GARRE1: variants seen among roughly 807,000 people sequenced by gnomAD.
GARRE1 encodes granule associated Rac and RHOG effector 1, also known as granule associated Rac and RHOG effector protein 1.
GARRE1 carries 49 observed loss-of-function variants against 103.2 expected under a neutral mutation model. The ratio of observed to expected loss-of-function variants is 0.47; its 90% CI spans 0.38 to 0.60. The LOEUF is 0.60. Ranked by LOEUF, GARRE1 falls within the 20% of genes least tolerant of loss-of-function variation. The pLI, the probability that GARRE1 is intolerant of heterozygous loss-of-function variation, is 0.00. For synonymous variants in GARRE1, 505 were observed against 532.8 expected, an observed-to-expected ratio of 0.95 and a Z score of 0.72; for missense variants, 1,199 against 1,370.5, an observed-to-expected ratio of 0.87 and a Z score of 1.98.
At chr19:34,272,720 A>G (rs1490494312) in intron 1 of GARRE1, among the ~76,000 whole-genome samples, 1 of 152,180 alleles carries the variant, frequency 6.6e-6, no homozygotes, top group African/African-American at 2.4e-5. Flanking sequence ...GCAGAGTGCC[A>G]TGGTCTGGAT....
chr19:34,257,727 T>C (rs1349928764), intron 1 of GARRE1, among the ~76,000 whole-genome samples: 1 of 152,164 alleles, frequency 6.6e-6, no homozygotes, highest in Non-Finnish European at 1.5e-5. Context: ...TGTCTTTAAC[T>C]CTACTGAAAC....
chr19:34,280,971 T>C (rs1332934926), intron 1 of GARRE1, among the ~76,000 whole-genome samples: 8 of 152,100 alleles, frequency 5.3e-5, no homozygotes, highest in Admixed American at 5.2e-4. Context: ...AATACATACT[T>C]TTTGGAAAGA....
At chr19:34,259,430 A>C (rs1018645066) in intron 1 of GARRE1, among the ~76,000 whole-genome samples, 2 of 152,212 alleles carry the variant, frequency 1.3e-5, no homozygotes, top group African/African-American at 4.8e-5. Context: ...GCTCACATTT[A>C]TGGAGTACCT....
intron 1 of GARRE1, among the ~76,000 whole-genome samples, chr19:34,293,899 T>C (rs958666593): frequency 6.6e-6 from 1 of 151,058 alleles, no homozygotes; most frequent in African/African-American, 2.4e-5. Context: ...GCTGGGATTA[T>C]AGGCACGCGT....
At chr19:34,327,639 A>G in intron 4 of GARRE1, 78 bp downstream of exon 4, 1 of 1,540,150 alleles carries the variant, frequency 6.5e-7, no homozygotes, top group South Asian at 1.1e-5. Context: ...ATGTTGAATC[A>G]ATTAGAAAGG....
intron 10 of GARRE1, among the ~76,000 whole-genome samples, chr19:34,344,418 G>A (rs1488886396): frequency 1.3e-5 from 2 of 151,798 alleles, no homozygotes; most frequent in East Asian, 3.9e-4. Flanking sequence ...GTGAAACCCC[G>A]TCTCTACTAA....
chr19:34,260,388 C>T (rs1317676709), intron 1 of GARRE1, among the ~76,000 whole-genome samples: 5 of 152,088 alleles, frequency 3.3e-5, no homozygotes, highest in Non-Finnish European at 7.4e-5. Context: ...TGCTTCATTG[C>T]GATATTCACT....
chr19:34,330,993 G>A (rs908284548), intron 7 of GARRE1, among the ~76,000 whole-genome samples: 4 of 150,892 alleles, frequency 2.7e-5, no homozygotes, highest in Admixed American at 1.3e-4. Context: ...TCTGCCTCCC[G>A]GGTTCAAATG....
At chr19:34,312,207 C>T (rs1207665567) in intron 2 of GARRE1, among the ~76,000 whole-genome samples, 1 of 152,054 alleles carries the variant, frequency 6.6e-6, no homozygotes, top group Non-Finnish European at 1.5e-5. Flanking sequence ...GCTATTAGAG[C>T]AGTCTAAATG....
At chr19:34,320,742 G>T (rs1367990450) in intron 3 of GARRE1, among the ~76,000 whole-genome samples, 1 of 147,612 alleles carries the variant, frequency 6.8e-6, no homozygotes, top group East Asian at 1.9e-4. Flanking sequence ...TTTTTTTTGA[G>T]ACAGGGTCTT....
chr19:34,317,649 G>A (rs1459872612), intron 2 of GARRE1, among the ~76,000 whole-genome samples: 3 of 152,164 alleles, frequency 2.0e-5, no homozygotes, highest in Non-Finnish European at 4.4e-5. Flanking sequence ...ACAGGTGAAG[G>A]GCATGGACAC....
At chr19:34,327,069 C>T (rs1018750635) in intron 3 of GARRE1, among the ~76,000 whole-genome samples, 3 of 151,792 alleles carry the variant, frequency 2.0e-5, no homozygotes, top group African/African-American at 4.8e-5. Flanking sequence ...GCAGGAGAAT[C>T]GCTTGAACTC....
At chr19:34,255,869 T>C (rs908095958) in intron 1 of GARRE1, among the ~76,000 whole-genome samples, 1 of 151,884 alleles carries the variant, frequency 6.6e-6, no homozygotes, top group Middle Eastern at 3.2e-3. Context: ...TTTGAGACAG[T>C]CTCCCTCTGT....
In GARRE1 at chr19:34,341,591, A is replaced by G; in HGVS notation, c.1657A>G (p.Ser553Gly). 1 of 1,614,216 alleles carries G rather than the reference A, an allele frequency of 6.2e-7. No homozygotes were observed. Among genetic ancestry groups the G allele is most frequent in the Non-Finnish European group, 8.5e-7 (1 of 1,180,040 alleles). The stretch of plus-strand genomic sequence containing the variant: ...CAAGAAAGCTTCATGTACCAGCTCC[A>G]GCAGCAGCACAAATTATTCCATCCA... ...FTKKASCTSSSSSTNYSIQNT... is the reference protein window; with the variant it reads ...FTKKASCTSSGSSTNYSIQNT... The change falls in exon 10 of 14, where the codon AGC becomes GGC. Residue 553 changes from serine to glycine, a missense_variant. Ser to Gly is a moderately conservative substitution (Grantham distance 56). Transcript: ENST00000299505.
At chr19:34,294,256 C>CAA (rs550473592) in intron 1 of GARRE1, among the ~76,000 whole-genome samples, 1 of 110,724 alleles carries the variant, frequency 9.0e-6, no homozygotes, top group African/African-American at 3.4e-5. Flanking sequence ...CCTGTCTCTA[C>CAA]AAAAAAAAAA....
At chr19:34,305,053 A>G (rs534445417) in intron 2 of GARRE1, among the ~76,000 whole-genome samples, 3 of 152,232 alleles carry the variant, frequency 2.0e-5, no homozygotes, top group Admixed American at 6.5e-5. Flanking sequence ...CGGCCTCCCA[A>G]AGTGCTGGGA....
chr19:34,308,746 G>A (rs1440157342), intron 2 of GARRE1, among the ~76,000 whole-genome samples: 2 of 152,192 alleles, frequency 1.3e-5, no homozygotes, highest in African/African-American at 4.8e-5. Flanking sequence ...ATTAAAAGGA[G>A]AAAAGTAAGG....
chr19:34,256,976 C>T (rs1280854831), intron 1 of GARRE1, among the ~76,000 whole-genome samples: 1 of 151,818 alleles, frequency 6.6e-6, no homozygotes, highest in East Asian at 1.9e-4. Context: ...ATGAAGAGTT[C>T]AGGTTTGTTG....
chr19:34,323,900 G>T (rs924711384), intron 3 of GARRE1, among the ~76,000 whole-genome samples: 1 of 152,098 alleles, frequency 6.6e-6, no homozygotes, highest in South Asian at 2.1e-4. Context: ...TTTGCTTTCA[G>T]CCAGTGATGC....
Sources: allele counts gnomAD v4.1 joint callset (sites outside exome capture counted in the v4.1 genomes callset), GRCh38; gene constraint gnomAD v4.1.1; transcripts MANE v1.5; gene names NCBI Gene and HGNC (gene_info 2026-07-23, HGNC 2026-07-21).